Variants in EHBP1 observed in about 807,000 individuals in gnomAD.
The protein encoded by EHBP1 is EH domain binding protein 1.
EHBP1 carries 55 observed loss-of-function variants against 144.0 expected under a neutral mutation model. The ratio of observed to expected loss-of-function variants is 0.38; its 90% confidence interval spans 0.31 to 0.48. The LOEUF is 0.48. Ranked by LOEUF, EHBP1 falls within the 20% of genes least tolerant of loss-of-function variation. The pLI, the probability that EHBP1 is intolerant of heterozygous loss-of-function variation, is 0.98. For missense variants in EHBP1, 1,200 were observed against 1,364.2 expected (o/e 0.88, Z 1.90); for synonymous variants, 469 against 472.7 (o/e 0.99, Z 0.10).
chr2:62,998,423 A>G (rs1333549209), intron 19 of EHBP1, among the ~76,000 whole-genome samples: 2 of 152,166 alleles, frequency 1.3e-5, no homozygotes, highest in Non-Finnish European at 2.9e-5. Context: ...ATTTTTAACT[A>G]TTTCCTGTAA....
chr2:62,688,034 T>G (rs2033776430), intron 1 of EHBP1, among the ~76,000 whole-genome samples: 1 of 152,200 alleles, frequency 6.6e-6, no homozygotes, highest in African/African-American at 2.4e-5. Flanking sequence ...TCAGCTTTCT[T>G]TCTCACTGGA....
At chr2:62,698,686 G>A (rs1029296491) in intron 1 of EHBP1, among the ~76,000 whole-genome samples, 2 of 152,172 alleles carry the variant, frequency 1.3e-5, no homozygotes, top group Non-Finnish European at 2.9e-5. Flanking sequence ...CCCAGGCTAC[G>A]TTCTGATCAC....
At chr2:62,825,998 TATTTG>T (rs1186768386) in intron 5 of EHBP1, 84 bp from the exon 6 acceptor site, 7 of 940,816 alleles carry the variant, frequency 7.4e-6, no homozygotes, top group Non-Finnish European at 1.0e-5. Flanking sequence ...TTTCAATTAT[TATTTG>T]ATTTATTATT....
intron 7 of EHBP1, among the ~76,000 whole-genome samples, 162 bp downstream of exon 7, chr2:62,831,320 C>T (rs1476268011): frequency 1.3e-5 from 2 of 152,012 alleles, no homozygotes; most frequent in Non-Finnish European, 2.9e-5. Context: ...GACAACTTTC[C>T]ATGCTGTTTA....
chr2:62,972,859 G>A (rs2058557426), intron 14 of EHBP1, among the ~76,000 whole-genome samples: 1 of 152,118 alleles, frequency 6.6e-6, no homozygotes, highest in Non-Finnish European at 1.5e-5. Flanking sequence ...TGTTAATGAG[G>A]CTAAATCTTG....
At position 62,948,265 on chromosome 2, in the gene EHBP1, C is replaced by T. The variant is rs781056645; in HGVS notation, c.1419C>T (p.Tyr473=). ...TGTTTTTCCTTCCTTTGAAGGCATA[C>T]GATGGATTTGCCAGCATAGGAATTT... is the stretch of plus-strand genomic sequence containing the variant. ...QDIKENNKKA[Y]DGFASIGISR... is the part of the protein sequence containing the mutation. The change falls in exon 13 of 23, where the codon TAC becomes TAT. Residue 473 remains tyrosine (Y), a synonymous_variant. Transcript: ENST00000431489. 13 of 1,557,928 alleles carry T rather than the reference C, an allele frequency of 8.3e-6. No homozygotes were observed. The highest frequency in any genetic ancestry group is 1.1e-5 in the Non-Finnish European group (13 of 1,152,308).
intron 7 of EHBP1, among the ~76,000 whole-genome samples, chr2:62,850,344 C>T (rs2048600747): frequency 6.6e-6 from 1 of 152,046 alleles, no homozygotes; most frequent in Non-Finnish European, 1.5e-5. Flanking sequence ...AAGGAAAAAG[C>T]CACCTACTCG....
chr2:62,762,718 C>T (rs2040859052), intron 3 of EHBP1, among the ~76,000 whole-genome samples: 1 of 152,134 alleles, frequency 6.6e-6, no homozygotes, highest in Non-Finnish European at 1.5e-5. Context: ...TTCTACCACC[C>T]CAAGCCAAGT....
chr2:62,928,121 C>T (rs889171604), intron 10 of EHBP1, among the ~76,000 whole-genome samples: 3 of 152,182 alleles, frequency 2.0e-5, no homozygotes, highest in Non-Finnish European at 4.4e-5. Flanking sequence ...GCAATTAACA[C>T]TCACATTCAA....
chr2:62,859,109 C>T (rs762913017), intron 7 of EHBP1, 60 bp from the exon 8 acceptor site: 11 of 1,451,812 alleles, frequency 7.6e-6, no homozygotes, highest in South Asian at 7.4e-5. Context: ...AAATATTTCA[C>T]GAATGTTCAA....
At chr2:62,771,142 C>T (rs559858224) in intron 4 of EHBP1, among the ~76,000 whole-genome samples, 197 bp from the exon 5 acceptor site, 1 of 152,218 alleles carries the variant, frequency 6.6e-6, no homozygotes, top group African/African-American at 2.4e-5. Context: ...CAAACCTGCA[C>T]ATATACCCCA....
intron 5 of EHBP1, among the ~76,000 whole-genome samples, chr2:62,798,300 A>G (rs1322206792): frequency 1.3e-5 from 2 of 152,082 alleles, no homozygotes; most frequent in Admixed American, 6.6e-5. Context: ...CCCAAGGGGC[A>G]GAGGTTGCAG....
intron 13 of EHBP1, among the ~76,000 whole-genome samples, chr2:62,953,607 A>G (rs911264730): frequency 6.6e-6 from 1 of 151,958 alleles, no homozygotes; most frequent in African/African-American, 2.4e-5. Flanking sequence ...AACATTTAAG[A>G]CCATGAGAAA....
At chr2:62,771,300 T>A in intron 4 of EHBP1, 39 bp from the exon 5 acceptor site, 1 of 1,498,714 alleles carries the variant, frequency 6.7e-7, no homozygotes, top group Non-Finnish European at 9.1e-7. Flanking sequence ...ACTAAAGACA[T>A]GTATTTCAAT....
At chr2:62,791,839 G>A (rs1017894632) in intron 5 of EHBP1, among the ~76,000 whole-genome samples, 6 of 151,918 alleles carry the variant, frequency 3.9e-5, no homozygotes, top group African/African-American at 1.4e-4. Flanking sequence ...ATGTTATTTA[G>A]TAATATTTAT....
intron 7 of EHBP1, among the ~76,000 whole-genome samples, chr2:62,836,964 G>A (rs1423400870): frequency 2.9e-4 from 28 of 95,900 alleles, no homozygotes; most frequent in Middle Eastern, 5.0e-3. Context: ...GCAGGCCAAC[G>A]TTCAGATTCA....
chr2:62,913,884 T>C (rs2054406569), intron 10 of EHBP1, among the ~76,000 whole-genome samples: 1 of 152,174 alleles, frequency 6.6e-6, no homozygotes. Context: ...GTATATGATT[T>C]TCCTGGGTAA....
chr2:62,955,700 T>C (rs762193773), intron 14 of EHBP1, 40 bp downstream of exon 14: 6 of 1,575,058 alleles, frequency 3.8e-6, no homozygotes, highest in Non-Finnish European at 5.2e-6. Flanking sequence ...AGTTGTTCAT[T>C]GTAATCATGG....
rs1019384251 is a variant in EHBP1 at position 62,955,629 on chromosome 2, C to G, written c.2429C>G (p.Ala810Gly). 3 of 1,611,252 alleles carry G rather than the reference C, an allele frequency of 1.9e-6. No individual in the cohort carries two copies. The highest frequency in any genetic ancestry group is 1.3e-5 in the African/African-American group (1 of 74,824). Residue 810 changes from alanine (A) to glycine (G), a missense_variant, in exon 14 of 23, where the codon GCC becomes GGC. Coordinates refer to ENST00000431489, the MANE Select transcript of EHBP1 (RefSeq NM_001142616.3). ...GGGAATAAGCACAATACCAACACAGCCACCCCATTCTGCAACAGGCAGCTA... is the reference window on the plus strand; with the variant it reads ...GGGAATAAGCACAATACCAACACAGGCACCCCATTCTGCAACAGGCAGCTA... ...KAGNKHNTNT[A>G]TPFCNRQLSD... is the part of the protein sequence containing the mutation.
Sources: gnomAD v4.1 joint callset for allele counts (sites outside exome capture counted in the v4.1 genomes callset) on GRCh38, gnomAD v4.1.1 for gene constraint, MANE v1.5 for transcripts, NCBI Gene and HGNC (gene_info 2026-07-23, HGNC 2026-07-21) for gene names.